RGS6: variants seen among roughly 807,000 people sequenced by gnomAD.
The protein encoded by RGS6 is regulator of G-protein signaling 6.
In RGS6, 30 loss-of-function variants were observed where a neutral mutation model predicts 78.5. That is an observed-to-expected ratio of 0.38 (90% CI 0.29 to 0.52). The LOEUF (loss-of-function observed/expected upper bound fraction) is 0.52, where lower values mean the gene tolerates loss of function less well. Ranked by LOEUF, RGS6 falls within the 20% of genes least tolerant of loss-of-function variation. RGS6 has a pLI of 0.85. For synonymous variants in RGS6, 206 were observed against 206.0 expected (o/e 1.00, Z 0.00); for missense variants, 495 against 609.7 (o/e 0.81, Z 1.98).
chr14:72,593,354 GC>G, the RGS6 span, among the ~76,000 whole-genome samples: 1 of 152,068 alleles, frequency 6.6e-6, no homozygotes, highest in East Asian at 1.9e-4. Context: ...ATGCCTCATT[GC>G]TAAAGATTCT....
the RGS6 span, among the ~76,000 whole-genome samples, chr14:71,905,517 G>A: frequency 6.6e-6 from 1 of 151,972 alleles, no homozygotes; most frequent in Non-Finnish European, 1.5e-5. Flanking sequence ...TTGAGACAGA[G>A]TCTCACTCTG....
At chr14:72,546,817 C>T (rs977337780) in intron 17 of RGS6, among the ~76,000 whole-genome samples, 1 of 152,240 alleles carries the variant, frequency 6.6e-6, no homozygotes, top group Non-Finnish European at 1.5e-5. Context: ...CCCTGCCAGT[C>T]TCTAGCAAGG....
At chr14:71,991,016 T>A in intron 2 of RGS6, 2 of 360,528 alleles carry the variant, frequency 5.5e-6, no homozygotes, top group South Asian at 4.2e-5. Flanking sequence ...GTGAATCCAA[T>A]GCCATGTAAA....
chr14:71,892,984 G>A, the RGS6 span, among the ~76,000 whole-genome samples: 3 of 152,232 alleles, frequency 2.0e-5, no homozygotes, highest in African/African-American at 7.2e-5. Context: ...CTGCCTAAGG[G>A]CATTTATCTG....
chr14:71,897,407 T>C, the RGS6 span, among the ~76,000 whole-genome samples: 1 of 152,236 alleles, frequency 6.6e-6, no homozygotes, highest in Non-Finnish European at 1.5e-5. Context: ...TCAGATATGC[T>C]GCCAAGTGCT....
Position 72,084,965 on chromosome 14 carries a change from G to A in RGS6, c.84+120090G>A, listed in dbSNP as rs1015093495. 5.3e-5 allele frequency among the ~76,000 whole-genome samples: 8 copies of A among 152,278 alleles called. No homozygotes were observed. In the East Asian group the frequency reaches 1.4e-3, roughly 26 times the overall value. ...TTGGTGCTTAAGCTTCAATCCCCTG[G>A]CCACAGCTTGGATTTATTTGCAGGG... On this transcript the variant is annotated intron_variant, in intron 2 of 17. Transcript: ENST00000553525.
At chr14:72,560,484 A>T (rs1199698719) in intron 17 of RGS6, among the ~76,000 whole-genome samples, 1 of 152,190 alleles carries the variant, frequency 6.6e-6, no homozygotes, top group African/African-American at 2.4e-5. Context: ...CCCGAGTGAC[A>T]AATGCCTCAC....
At chr14:72,047,653 G>C (rs2092948984) in intron 2 of RGS6, among the ~76,000 whole-genome samples, 1 of 152,182 alleles carries the variant, frequency 6.6e-6, no homozygotes, top group African/African-American at 2.4e-5. Flanking sequence ...GGCATTAACA[G>C]TGATTGGTAG....
At chr14:72,118,313 A>G (rs552100024) in intron 2 of RGS6, among the ~76,000 whole-genome samples, 188 of 152,280 alleles carry the variant, frequency 1.2e-3, no homozygotes, top group African/African-American at 4.4e-3. Flanking sequence ...CCCTTGGATC[A>G]GAAAGCCTTT....
chr14:72,018,972 C>T (rs772272822), intron 2 of RGS6, among the ~76,000 whole-genome samples: 10 of 152,166 alleles, frequency 6.6e-5, no homozygotes, highest in Admixed American at 1.3e-4. Context: ...TTCTCACCCT[C>T]TTGCTGAAAT....
intron 3 of RGS6, among the ~76,000 whole-genome samples, chr14:72,366,226 A>G (rs1360353690): frequency 6.6e-6 from 1 of 152,214 alleles, no homozygotes; most frequent in Non-Finnish European, 1.5e-5. Flanking sequence ...GGACAAACTC[A>G]TAGGTGAATT....
intron 2 of RGS6, among the ~76,000 whole-genome samples, chr14:72,087,568 A>C (rs2095098164): frequency 6.6e-6 from 1 of 152,116 alleles, no homozygotes; most frequent in Admixed American, 6.6e-5. Flanking sequence ...AGCTCCAGAG[A>C]AATACGCGTA....
intron 2 of RGS6, among the ~76,000 whole-genome samples, chr14:72,316,086 C>T (rs2070114842): frequency 6.6e-6 from 1 of 152,190 alleles, no homozygotes; most frequent in Non-Finnish European, 1.5e-5. Context: ...TTTGTTGTTC[C>T]TTTTCTTCCT....
intron 2 of RGS6, among the ~76,000 whole-genome samples, chr14:72,330,502 AC>A (rs1333346496): frequency 1.3e-5 from 2 of 152,100 alleles, no homozygotes; most frequent in Non-Finnish European, 2.9e-5. Flanking sequence ...ATACCCTCTT[AC>A]TGAATACCCA....
chr14:72,433,072 C>T (rs553876390), intron 3 of RGS6, among the ~76,000 whole-genome samples: 4 of 152,280 alleles, frequency 2.6e-5, no homozygotes, highest in Admixed American at 6.5e-5. Flanking sequence ...AATGACCACA[C>T]GCAACTTGAC....
At chr14:71,890,438 C>G in the RGS6 span, among the ~76,000 whole-genome samples, 1 of 151,450 alleles carries the variant, frequency 6.6e-6, no homozygotes, top group Non-Finnish European at 1.5e-5. Flanking sequence ...TACTTCAGCT[C>G]TCCTAACCCC....
intron 2 of RGS6, among the ~76,000 whole-genome samples, chr14:72,082,723 G>A (rs999012169): frequency 1.3e-5 from 2 of 151,844 alleles, no homozygotes; most frequent in African/African-American, 2.4e-5. Context: ...ATTAAAATTC[G>A]CAAATGATGG....
chr14:71,894,247 C>T, the RGS6 span, among the ~76,000 whole-genome samples: 79,733 of 151,954 alleles, frequency 0.52, 24,036 homozygotes, highest in Non-Finnish European at 0.68. Flanking sequence ...TCGATGTTTA[C>T]GATTAAAGGA....
chr14:72,377,813 A>G (rs970255812), intron 3 of RGS6, among the ~76,000 whole-genome samples: 4 of 152,098 alleles, frequency 2.6e-5, no homozygotes, highest in African/African-American at 9.7e-5. Flanking sequence ...CTTTGTCTCT[A>G]CAAAAGATTA....
Sources: allele counts gnomAD v4.1 joint callset (sites outside exome capture counted in the v4.1 genomes callset), GRCh38; gene constraint gnomAD v4.1.1; transcripts MANE v1.5; gene names NCBI Gene and HGNC (gene_info 2026-07-23, HGNC 2026-07-21).